The following CAMKMT variants were observed in gnomAD, a reference collection of about 807,000 sequenced individuals.
The protein encoded by CAMKMT is calmodulin-lysine N-methyltransferase, also known as CaM KMT.
Under a neutral mutation model 48.0 loss-of-function variants are expected in CAMKMT, and 53 were observed. The ratio of observed to expected loss-of-function variants is 1.10; its 90% confidence interval spans 0.89 to 1.39. The LOEUF (loss-of-function observed/expected upper bound fraction) is 1.39. Ranked by LOEUF, CAMKMT falls within the 40% of genes most tolerant of loss-of-function variation. CAMKMT has a pLI of 0.00. For synonymous variants in CAMKMT, 165 were observed against 152.3 expected, an observed-to-expected ratio of 1.08 and a Z score of -0.61; for missense variants, 428 against 402.7, an observed-to-expected ratio of 1.06 and a Z score of -0.54.
chr2:44,738,685 G>A (rs1485905937), intron 7 of CAMKMT, among the ~76,000 whole-genome samples: 1 of 152,168 alleles, frequency 6.6e-6, no homozygotes. Flanking sequence ...ATATTCTAGT[G>A]GGGAAAGAGA....
chr2:44,381,651 T>C (rs948850936), intron 2 of CAMKMT, among the ~76,000 whole-genome samples: 2 of 152,206 alleles, frequency 1.3e-5, no homozygotes, highest in African/African-American at 2.4e-5. Context: ...AATCATATTA[T>C]GGGATATTAC....
At chr2:44,655,565 A>G (rs1487139707) in intron 3 of CAMKMT, among the ~76,000 whole-genome samples, 1 of 152,194 alleles carries the variant, frequency 6.6e-6, no homozygotes. Context: ...GTGCTTTTCA[A>G]CCATCTGAAC....
At chr2:44,535,531 T>C (rs769738086) in intron 3 of CAMKMT, among the ~76,000 whole-genome samples, 1 of 152,160 alleles carries the variant, frequency 6.6e-6, no homozygotes, top group African/African-American at 2.4e-5. Flanking sequence ...ATCAAAATGA[T>C]AATACACCAT....
At chr2:44,551,007 T>A (rs984136987) in intron 3 of CAMKMT, among the ~76,000 whole-genome samples, 1 of 152,214 alleles carries the variant, frequency 6.6e-6, no homozygotes, top group African/African-American at 2.4e-5. Flanking sequence ...GGAAACCAGA[T>A]GTTTTTAAAA....
chr2:44,577,420 A>T lies in CAMKMT; in HGVS notation c.377-126863A>T, dbSNP rs575768335. Among the ~76,000 whole-genome samples, 88 of 152,166 alleles carry T rather than the reference A, an allele frequency of 5.8e-4. No individual in the cohort carries two copies. In the Middle Eastern group the frequency reaches 0.02, roughly 35 times the overall value. On this transcript the variant is annotated intron_variant, in intron 3 of 10. Coordinates refer to ENST00000378494, the MANE Select transcript of CAMKMT (RefSeq NM_024766.5). ...GATCGTTTAAGTTTAGGCATTAGAG[A>T]CCAGCCTAGGCAACATGATGAGACC...
chr2:44,515,969 A>T (rs1670812306), intron 3 of CAMKMT, among the ~76,000 whole-genome samples: 1 of 152,216 alleles, frequency 6.6e-6, no homozygotes, highest in African/African-American at 2.4e-5. Context: ...AGTCACGGAG[A>T]AGCAATTTTC....
chr2:44,398,038 C>G (rs1032031962), intron 3 of CAMKMT, among the ~76,000 whole-genome samples: 4 of 152,166 alleles, frequency 2.6e-5, no homozygotes, highest in African/African-American at 9.7e-5. Flanking sequence ...CGAGCAAATA[C>G]TGAGTAGTTT....
intron 3 of CAMKMT, among the ~76,000 whole-genome samples, chr2:44,403,844 G>A (rs1461077919): frequency 6.6e-6 from 1 of 152,100 alleles, no homozygotes; most frequent in Non-Finnish European, 1.5e-5. Context: ...AGCATTTCCA[G>A]TTTACATGTA....
intron 3 of CAMKMT, among the ~76,000 whole-genome samples, chr2:44,486,408 G>T (rs2104698405): frequency 6.6e-6 from 1 of 152,236 alleles, no homozygotes. Flanking sequence ...TTGTTTGTTT[G>T]TTTTTTAGCT....
chr2:44,565,464 C>G lies in CAMKMT; in HGVS notation c.377-138819C>G, dbSNP rs536055891. The stretch of plus-strand genomic sequence containing the variant: ...ATGAGATACTTTTTTAGATCCTTCC[C>G]ATTAGTGATGTGTGAGGATTACGTA... On this transcript the variant is annotated intron_variant, in intron 3 of 10. Transcript: ENST00000378494. Among the ~76,000 whole-genome samples the G allele has an allele frequency of 9.2e-5, 14 of 152,124 alleles. No homozygotes were observed. In the East Asian group the frequency reaches 1.5e-3, roughly 17 times the overall value.
chr2:44,587,996 C>T lies in CAMKMT; in HGVS notation c.377-116287C>T, dbSNP rs368512771. Reference sequence around the variant, plus strand: ...GCTGCCCAGTCTGGAAAGTGAGGAGCGTCTCTGCCCGGCCGCCATCCCATC... The same window carrying T: ...GCTGCCCAGTCTGGAAAGTGAGGAGTGTCTCTGCCCGGCCGCCATCCCATC... On this transcript the variant is annotated intron_variant, in intron 3 of 10. Transcript: ENST00000378494. 2.2e-3 allele frequency among the ~76,000 whole-genome samples: 303 copies of T among 136,154 alleles called. 7 individuals are homozygous for T. The East Asian group carries it at 0.047, about 21-fold the overall frequency. The allele number at this position is 136,154 out of a possible 152,430, so 89.3% of individuals were successfully genotyped here.
intron 3 of CAMKMT, among the ~76,000 whole-genome samples, chr2:44,566,463 A>G (rs1273675597): frequency 1.3e-5 from 2 of 152,188 alleles, no homozygotes; most frequent in African/African-American, 4.8e-5. Flanking sequence ...TTTGGGGCAG[A>G]ATTTGGAATT....
chr2:44,656,596 C>T (rs1350830820), intron 3 of CAMKMT, among the ~76,000 whole-genome samples: 2 of 152,074 alleles, frequency 1.3e-5, no homozygotes, highest in African/African-American at 4.8e-5. Context: ...TGAGTTATTT[C>T]TCCCTTCTCC....
At chr2:44,644,591 G>C (rs1673632663) in intron 3 of CAMKMT, among the ~76,000 whole-genome samples, 1 of 152,196 alleles carries the variant, frequency 6.6e-6, no homozygotes, top group African/African-American at 2.4e-5. Context: ...CAACAAGGCT[G>C]ATGAATTTGC....
chr2:44,488,878 T>TGTGTGTGTGTG (rs1669344972), intron 3 of CAMKMT, among the ~76,000 whole-genome samples: 2 of 98,676 alleles, frequency 2.0e-5, no homozygotes, highest in Non-Finnish European at 3.0e-5. Flanking sequence ...TGTGTGTGTG[T>TGTGTGTGTGTG]TTTAAGAAAT....
intron 3 of CAMKMT, among the ~76,000 whole-genome samples, chr2:44,502,300 C>T (rs1369609445): frequency 1.1e-5 from 1 of 87,806 alleles, no homozygotes. Context: ...TGTATCTCTC[C>T]CCTAAACCCT....
chr2:44,540,180 GT>G (rs1219054857), intron 3 of CAMKMT, among the ~76,000 whole-genome samples: 1 of 151,298 alleles, frequency 6.6e-6, no homozygotes, highest in East Asian at 1.9e-4. Context: ...ATGTACATAT[GT>G]TTTAGTATGG....
intron 3 of CAMKMT, among the ~76,000 whole-genome samples, chr2:44,445,569 A>T (rs1666931564): frequency 6.6e-6 from 1 of 151,054 alleles, no homozygotes; most frequent in Non-Finnish European, 1.5e-5. Context: ...AACTGGGAAA[A>T]GTTAATTTCC....
chr2:44,584,241 C>A (rs1213317462), intron 3 of CAMKMT, among the ~76,000 whole-genome samples: 1 of 152,172 alleles, frequency 6.6e-6, no homozygotes, highest in Non-Finnish European at 1.5e-5. Flanking sequence ...AGATACACCA[C>A]AATTTATTTA....
Sources: allele counts gnomAD v4.1 joint callset (sites outside exome capture counted in the v4.1 genomes callset), GRCh38; gene constraint gnomAD v4.1.1; transcripts MANE v1.5; gene names NCBI Gene and HGNC (gene_info 2026-07-23, HGNC 2026-07-21).